Variants in ARHGAP32 observed in about 807,000 individuals in gnomAD.
The protein encoded by ARHGAP32 is rho GTPase-activating protein 32.
ARHGAP32 carries 51 observed loss-of-function variants against 186.5 expected under a neutral mutation model. The observed-to-expected ratio is 0.27, with a 90% CI of 0.22 to 0.35. ARHGAP32 has a LOEUF of 0.35. Ranked by LOEUF, ARHGAP32 falls within the 10% of genes least tolerant of loss-of-function variation. The probability of loss-of-function intolerance (pLI) is 1.00; values close to 1 mark genes in which losing one functional copy is unlikely to be tolerated. For synonymous variants in ARHGAP32, 950 were observed against 964.3 expected, an observed-to-expected ratio of 0.99 and a Z score of 0.27; for missense variants, 2,186 against 2,623.5, an observed-to-expected ratio of 0.83 and a Z score of 3.64.
intron 11 of ARHGAP32, among the ~76,000 whole-genome samples, chr11:129,012,732 T>C (rs1237714623): frequency 6.6e-6 from 1 of 152,178 alleles, no homozygotes; most frequent in Non-Finnish European, 1.5e-5. Context: ...AAAGTGACCA[T>C]TTTCAACACA....
At position 129,116,538 on chromosome 11, in the gene ARHGAP32, C is replaced by CTTTCCT. The variant is rs1274128998; in HGVS notation, c.444+6907_444+6908insAGGAAA. Among the ~76,000 whole-genome samples, 4 of 152,002 alleles carry CTTTCCT rather than the reference C, an allele frequency of 2.6e-5. No individual in the cohort carries two copies. The East Asian group carries it at 5.8e-4, about 22-fold the overall frequency. Reference sequence around the variant, plus strand: ...TTTTGAGGAAAACTAAACTTTGTGGCCAGGGTGAGAATAAAATTAGCATGG... The same window carrying CTTTCCT: ...TTTTGAGGAAAACTAAACTTTGTGGCTTTCCTCAGGGTGAGAATAAAATTAGCATGG... On this transcript the variant is annotated intron_variant, in intron 5 of 22. Coordinates refer to ENST00000682385, the MANE Select transcript of ARHGAP32 (RefSeq NM_001378024.1).
chr11:129,227,135 CTA>C (rs1328775035), intron 1 of ARHGAP32, among the ~76,000 whole-genome samples: 4 of 151,904 alleles, frequency 2.6e-5, no homozygotes, highest in Non-Finnish European at 5.9e-5. Flanking sequence ...AGGGAAGGCA[CTA>C]TATGGGAACA....
At chr11:129,237,642 C>T (rs1266331265) in intron 1 of ARHGAP32, among the ~76,000 whole-genome samples, 7 of 151,946 alleles carry the variant, frequency 4.6e-5, no homozygotes, top group East Asian at 3.9e-4. Context: ...GCAAAGGCCT[C>T]GGGGTAAGAG....
At chr11:129,247,350 G>A (rs1221473136) in intron 1 of ARHGAP32, among the ~76,000 whole-genome samples, 1 of 152,160 alleles carries the variant, frequency 6.6e-6, no homozygotes, top group African/African-American at 2.4e-5. Flanking sequence ...TCATTCCTAT[G>A]TCTGTCTTCT....
intron 1 of ARHGAP32, among the ~76,000 whole-genome samples, chr11:129,216,128 T>C (rs1286377420): frequency 6.6e-6 from 1 of 152,066 alleles, no homozygotes; most frequent in Non-Finnish European, 1.5e-5. Flanking sequence ...AGACTTCTGG[T>C]CTCCAAAACC....
intron 11 of ARHGAP32, among the ~76,000 whole-genome samples, chr11:129,028,203 T>C (rs1938948062): frequency 6.6e-6 from 1 of 152,120 alleles, no homozygotes; most frequent in Non-Finnish European, 1.5e-5. Context: ...AAGTGAAGTA[T>C]CAAACTCAAA....
intron 1 of ARHGAP32, among the ~76,000 whole-genome samples, chr11:129,237,078 C>A (rs1309830894): frequency 1.3e-5 from 2 of 152,084 alleles, no homozygotes. Context: ...TTAAACCATC[C>A]CTGCATTCCC....
At chr11:129,220,905 A>T (rs1013902529) in intron 1 of ARHGAP32, among the ~76,000 whole-genome samples, 1 of 152,192 alleles carries the variant, frequency 6.6e-6, no homozygotes, top group East Asian at 1.9e-4. Context: ...ACACATTACA[A>T]TTCCCTAAGG....
At chr11:129,203,718 CAAAAAAAA>C (rs375747287) in intron 1 of ARHGAP32, among the ~76,000 whole-genome samples, 1 of 81,604 alleles carries the variant, frequency 1.2e-5, no homozygotes, top group South Asian at 4.8e-4. Flanking sequence ...CTTGTCTCTA[CAAAAAAAA>C]AAAAAAAAAG....
At chr11:128,998,924 G>T (rs1946273036) in intron 11 of ARHGAP32, among the ~76,000 whole-genome samples, 1 of 152,062 alleles carries the variant, frequency 6.6e-6, no homozygotes, top group Admixed American at 6.5e-5. Flanking sequence ...GTAAACTGAG[G>T]ATGTATGTCA....
intron 12 of ARHGAP32, among the ~76,000 whole-genome samples, chr11:128,989,803 A>G (rs1223774593): frequency 1.3e-5 from 2 of 151,308 alleles, no homozygotes; most frequent in African/African-American, 4.9e-5. Flanking sequence ...GAGTGAGAAC[A>G]TGTGGTGTTT....
chr11:129,174,374 C>A (rs1433627875), intron 1 of ARHGAP32, among the ~76,000 whole-genome samples: 1 of 152,188 alleles, frequency 6.6e-6, no homozygotes, highest in East Asian at 1.9e-4. Flanking sequence ...GAGGGGCGCC[C>A]ACCATTGCCC....
At chr11:129,124,393 A>C (rs961171566) in intron 3 of ARHGAP32, among the ~76,000 whole-genome samples, 4 of 152,126 alleles carry the variant, frequency 2.6e-5, no homozygotes, top group African/African-American at 7.2e-5. Flanking sequence ...AGAGATGCTC[A>C]ACCTGTATTT....
At chr11:129,272,126 CA>C (rs1475593653) in intron 1 of ARHGAP32, among the ~76,000 whole-genome samples, 1 of 151,614 alleles carries the variant, frequency 6.6e-6, no homozygotes, top group Non-Finnish European at 1.5e-5. Flanking sequence ...CAAAAGGAAA[CA>C]AAAAAAGGAC....
chr11:129,196,815 G>A (rs1258422285), upstream of ARHGAP32, among the ~76,000 whole-genome samples: 1 of 152,102 alleles, frequency 6.6e-6, no homozygotes, highest in African/African-American at 2.4e-5. Context: ...CCTAGCACTT[G>A]AGAGGCCAAG....
chr11:129,180,167 T>C (rs184343311), intron 1 of ARHGAP32, among the ~76,000 whole-genome samples: 8 of 152,258 alleles, frequency 5.3e-5, no homozygotes, highest in African/African-American at 1.9e-4. Flanking sequence ...TTAATATTTT[T>C]CATACAATAG....
chr11:129,276,375 A>C (rs936324265), intron 1 of ARHGAP32, among the ~76,000 whole-genome samples: 1 of 152,154 alleles, frequency 6.6e-6, no homozygotes, highest in African/African-American at 2.4e-5. Context: ...ATGATAGCTC[A>C]CTGTAACCCC....
intron 1 of ARHGAP32, among the ~76,000 whole-genome samples, chr11:129,225,211 A>G (rs542851416): frequency 5.9e-5 from 9 of 152,180 alleles, no homozygotes; most frequent in Non-Finnish European, 1.3e-4. Flanking sequence ...AGCTTAAAAG[A>G]AAAAACTGAG....
intron 1 of ARHGAP32, among the ~76,000 whole-genome samples, chr11:129,200,147 C>T (rs1944440434): frequency 6.6e-6 from 1 of 152,154 alleles, no homozygotes; most frequent in Non-Finnish European, 1.5e-5. Context: ...TTTGATTTTA[C>T]AGGTTCATAG....
Sources: allele counts gnomAD v4.1 joint callset (sites outside exome capture counted in the v4.1 genomes callset), GRCh38; gene constraint gnomAD v4.1.1; transcripts MANE v1.5; gene names NCBI Gene and HGNC (gene_info 2026-07-23, HGNC 2026-07-21).